The following LOC128092253 variants were observed in gnomAD, a reference collection of about 807,000 sequenced individuals.
chr6:133,959,322 T>C, the LOC128092253 span, among the ~76,000 whole-genome samples: 1 of 151,850 alleles, frequency 6.6e-6, no homozygotes, highest in Admixed American at 6.5e-5. Context: ...TTATGGGCAA[T>C]GGGCACGAGC....
chr6:133,978,482 T>G, the LOC128092253 span, among the ~76,000 whole-genome samples: 12 of 152,216 alleles, frequency 7.9e-5, no homozygotes, highest in African/African-American at 2.9e-4. Flanking sequence ...GGTAATAAAC[T>G]GGCCCTGTGC....
At chr6:133,967,516 C>T in the LOC128092253 span, among the ~76,000 whole-genome samples, 1 of 152,116 alleles carries the variant, frequency 6.6e-6, no homozygotes, top group East Asian at 1.9e-4. Flanking sequence ...TTTGTCATCA[C>T]GTGAACATCA....
chr6:133,959,133 A>C, the LOC128092253 span, among the ~76,000 whole-genome samples: 1 of 151,936 alleles, frequency 6.6e-6, no homozygotes, highest in South Asian at 2.1e-4. Flanking sequence ...TCGGCTTCCC[A>C]GGTTCAAGTG....
At chr6:133,960,976 G>A in the LOC128092253 span, among the ~76,000 whole-genome samples, 9 of 152,168 alleles carry the variant, frequency 5.9e-5, no homozygotes, top group African/African-American at 1.7e-4. Context: ...AAAGCTCCTG[G>A]AACACAGTTG....
chr6:133,959,214 A>G, the LOC128092253 span, among the ~76,000 whole-genome samples: 5 of 151,892 alleles, frequency 3.3e-5, no homozygotes, highest in Non-Finnish European at 7.4e-5. Flanking sequence ...TAATTTTTAT[A>G]TTTTTAGTAG....
the LOC128092253 span, among the ~76,000 whole-genome samples, chr6:133,977,926 G>A: frequency 6.6e-6 from 1 of 152,202 alleles, no homozygotes; most frequent in African/African-American, 2.4e-5. Context: ...GCCCTTGCTG[G>A]CTTAGTTGGT....
At chr6:133,962,768 A>G in the LOC128092253 span, among the ~76,000 whole-genome samples, 2 of 152,226 alleles carry the variant, frequency 1.3e-5, no homozygotes, top group Admixed American at 6.5e-5. Context: ...TATTGGTAAT[A>G]TGAAAAAAAC....
the LOC128092253 span, among the ~76,000 whole-genome samples, chr6:133,968,244 CTATTTGAG>C: frequency 0.013 from 2,010 of 152,136 alleles, 43 homozygotes; most frequent in African/African-American, 0.046. Flanking sequence ...GGCCAGGTGA[CTATTTGAG>C]TATTTCTTAT....
At chr6:133,978,372 T>C in the LOC128092253 span, among the ~76,000 whole-genome samples, 1 of 152,254 alleles carries the variant, frequency 6.6e-6, no homozygotes, top group Non-Finnish European at 1.5e-5. Context: ...GTCTATTCCA[T>C]GTTACAATAT....
chr6:133,968,177 CG>C, the LOC128092253 span, among the ~76,000 whole-genome samples: 1 of 151,896 alleles, frequency 6.6e-6, no homozygotes, highest in African/African-American at 2.4e-5. Context: ...TTAGTAGGGA[CG>C]GGGTTTCACC....
At chr6:133,959,075 T>C in the LOC128092253 span, among the ~76,000 whole-genome samples, 2 of 152,192 alleles carry the variant, frequency 1.3e-5, no homozygotes, top group African/African-American at 4.8e-5. Flanking sequence ...AGTCTCACTC[T>C]GTCACCCAGA....
chr6:133,975,841 T>C, the LOC128092253 span, among the ~76,000 whole-genome samples: 1 of 152,330 alleles, frequency 6.6e-6, no homozygotes, highest in South Asian at 2.1e-4. Context: ...ATCAGTTGTA[T>C]TGTAATGTTT....
chr6:133,979,535 A>G, the LOC128092253 span, among the ~76,000 whole-genome samples: 1 of 152,098 alleles, frequency 6.6e-6, no homozygotes, highest in African/African-American at 2.4e-5. Flanking sequence ...CCTGTCAAGT[A>G]AAAGTTACTT....
At chr6:133,959,555 C>T in the LOC128092253 span, among the ~76,000 whole-genome samples, 3 of 152,146 alleles carry the variant, frequency 2.0e-5, no homozygotes, top group African/African-American at 7.2e-5. Flanking sequence ...GATCTCGGCT[C>T]ACTGCAACCT....
At chr6:133,959,547 T>G in the LOC128092253 span, among the ~76,000 whole-genome samples, 23 of 152,072 alleles carry the variant, frequency 1.5e-4, no homozygotes, top group African/African-American at 5.3e-4. Flanking sequence ...AGTGGCGCGA[T>G]CTCGGCTCAC....
the LOC128092253 span, among the ~76,000 whole-genome samples, chr6:133,957,448 T>A: frequency 6.6e-6 from 1 of 152,244 alleles, no homozygotes; most frequent in Non-Finnish European, 1.5e-5. Context: ...TTTTGTTTTT[T>A]AACTCACTAG....
At chr6:133,971,351 T>C in the LOC128092253 span, among the ~76,000 whole-genome samples, 1 of 152,238 alleles carries the variant, frequency 6.6e-6, no homozygotes, top group African/African-American at 2.4e-5. Context: ...TCTTGGCTAT[T>C]ATAAATAGTG....
At chr6:133,965,504 T>C in the LOC128092253 span, among the ~76,000 whole-genome samples, 1,282 of 152,286 alleles carry the variant, frequency 8.4e-3, 37 homozygotes, top group Admixed American at 0.062. Context: ...CTGTTTCATT[T>C]GCCACCTTCC....
the LOC128092253 span, among the ~76,000 whole-genome samples, chr6:133,978,725 G>A: frequency 6.6e-6 from 1 of 152,180 alleles, no homozygotes; most frequent in African/African-American, 2.4e-5. Context: ...TTATAGAGGT[G>A]TCAGAAGTCT....
Sources: allele counts gnomAD v4.1 joint callset (sites outside exome capture counted in the v4.1 genomes callset), GRCh38; gene constraint gnomAD v4.1.1; transcripts MANE v1.5.